The following KSR1 variants were observed in gnomAD, a reference collection of about 807,000 sequenced individuals.
KSR1 encodes kinase suppressor of ras.
A neutral mutation model predicts 92.9 loss-of-function variants in KSR1; 35 were observed. The ratio of observed to expected loss-of-function variants is 0.38; its 90% CI spans 0.29 to 0.50. The LOEUF is 0.50. Ranked by LOEUF, KSR1 falls within the 20% of genes least tolerant of loss-of-function variation. The pLI is 0.94. For missense variants in KSR1, 972 were observed against 1,158.5 expected, an observed-to-expected ratio of 0.84 and a Z score of 2.34; for synonymous variants, 467 against 472.6, an observed-to-expected ratio of 0.99 and a Z score of 0.15.
chr17:27,513,923 G>A (rs987893175), intron 1 of KSR1, among the ~76,000 whole-genome samples: 8 of 152,166 alleles, frequency 5.3e-5, no homozygotes, highest in African/African-American at 1.9e-4. Context: ...CTCCCAAGTG[G>A]GTTTGGTGCC....
At chr17:27,490,509 A>G (rs2068789790) in intron 1 of KSR1, among the ~76,000 whole-genome samples, 1 of 152,174 alleles carries the variant, frequency 6.6e-6, no homozygotes, top group Non-Finnish European at 1.5e-5. Context: ...CCAATGTATA[A>G]ATAAGGTGAA....
At chr17:27,550,357 C>A (rs919691520) in intron 1 of KSR1, among the ~76,000 whole-genome samples, 1 of 152,222 alleles carries the variant, frequency 6.6e-6, no homozygotes, top group Non-Finnish European at 1.5e-5. Context: ...CTGGGTAGGG[C>A]AGGGGGCTCA....
chr17:27,588,670 GCC>G (rs1169438878), intron 6 of KSR1, 135 bp downstream of exon 6: 1 of 726,852 alleles, frequency 1.4e-6, no homozygotes, highest in Non-Finnish European at 2.1e-6. Flanking sequence ...GTGGGACATG[GCC>G]CTGCACTTAC....
intron 1 of KSR1, among the ~76,000 whole-genome samples, chr17:27,463,554 G>A (rs1488745610): frequency 6.6e-6 from 1 of 152,100 alleles, no homozygotes; most frequent in Non-Finnish European, 1.5e-5. Flanking sequence ...TAGTTTTGTG[G>A]TTGCTTGTGT....
intron 1 of KSR1, among the ~76,000 whole-genome samples, chr17:27,534,124 T>C (rs1165757646): frequency 1.3e-5 from 2 of 152,238 alleles, no homozygotes; most frequent in Non-Finnish European, 2.9e-5. Context: ...CAGACTGTGC[T>C]CAGAGGTTCG....
At chr17:27,465,566 A>G (rs2019656529) in intron 1 of KSR1, 1 of 152,324 alleles carries the variant, frequency 6.6e-6, no homozygotes, top group Admixed American at 6.5e-5. Context: ...CCGTGTTTAA[A>G]ATTTTTAAAA....
chr17:27,581,188 G>A (rs984404669), intron 3 of KSR1, among the ~76,000 whole-genome samples: 7 of 152,064 alleles, frequency 4.6e-5, no homozygotes, highest in Non-Finnish European at 8.8e-5. Context: ...AAGAGCGAGA[G>A]GGGGCAGGGA....
At chr17:27,486,994 G>A (rs2068684713) in intron 1 of KSR1, among the ~76,000 whole-genome samples, 2 of 152,182 alleles carry the variant, frequency 1.3e-5, no homozygotes, top group South Asian at 4.1e-4. Flanking sequence ...AATTGCCAGT[G>A]ACCTTATTTT....
intron 6 of KSR1, among the ~76,000 whole-genome samples, chr17:27,589,664 G>T (rs2073095995): frequency 6.6e-6 from 1 of 152,146 alleles, no homozygotes; most frequent in Admixed American, 6.5e-5. Context: ...AAAAATATGA[G>T]TTATTTCTGC....
At chr17:27,502,137 C>T (rs1032787342) in intron 1 of KSR1, among the ~76,000 whole-genome samples, 5 of 152,212 alleles carry the variant, frequency 3.3e-5, no homozygotes, top group African/African-American at 1.2e-4. Context: ...GAGAACTTGG[C>T]AGAGCCTTTC....
At position 27,605,808 on chromosome 17, in the gene KSR1, C is replaced by T. The variant is rs1392890694; in HGVS notation, c.1989C>T (p.Ile663=). The change falls in exon 14 of 21, where the codon ATC becomes ATT. Residue 663 remains isoleucine (I), a synonymous_variant. Transcript: ENST00000644974. ...ACMNPPHLAI[I]TSFCKGRTLH... The stretch of plus-strand genomic sequence containing the variant: ...TGAACCCGCCCCACCTGGCCATTAT[C>T]ACCAGGTAACCAAGCCCTAGGACCT... 1.9e-6 allele frequency: 3 copies of T among 1,612,404 alleles called. No homozygotes were observed. The African/African-American group carries it at 4.0e-5, about 22-fold the overall frequency.
intron 1 of KSR1, among the ~76,000 whole-genome samples, chr17:27,504,970 C>CTT: frequency 6.6e-6 from 1 of 152,294 alleles, no homozygotes; most frequent in African/African-American, 2.4e-5. Context: ...CTCTGCCTGT[C>CTT]TTCCACTAAG....
chr17:27,479,983 G>A (rs1015073354), intron 1 of KSR1, among the ~76,000 whole-genome samples: 1 of 152,176 alleles, frequency 6.6e-6, no homozygotes, highest in Admixed American at 6.5e-5. Flanking sequence ...ATGTAAATAG[G>A]AATTCTTGGT....
intron 1 of KSR1, among the ~76,000 whole-genome samples, chr17:27,477,793 G>T (rs2068390525): frequency 1.3e-5 from 2 of 151,680 alleles, no homozygotes; most frequent in African/African-American, 4.8e-5. Flanking sequence ...GCTCACTGCT[G>T]CCTCGATTTC....
intron 1 of KSR1, among the ~76,000 whole-genome samples, chr17:27,518,614 C>T (rs1567785404): frequency 6.6e-6 from 1 of 152,134 alleles, no homozygotes; most frequent in Non-Finnish European, 1.5e-5. Context: ...CAATCTGGGT[C>T]GGTGGACATC....
chr17:27,501,516 G>C (rs1048026815), intron 1 of KSR1, among the ~76,000 whole-genome samples: 1 of 152,036 alleles, frequency 6.6e-6, no homozygotes, highest in African/African-American at 2.4e-5. Flanking sequence ...TGGAGGCCTA[G>C]GAGGAAAAAA....
At position 27,603,730 on chromosome 17, in the gene KSR1, A is replaced by G. The variant is rs898379276; in HGVS notation, c.1511-104A>G. On this transcript the variant is annotated intron_variant, in intron 11 of 20. Transcript: ENST00000644974. Reference sequence around the variant, plus strand: ...CTGGGGAACATGTGGCAGTCCACTCAGGGGAAAATCAGCCTCTCTGGGGGT... The same window carrying G: ...CTGGGGAACATGTGGCAGTCCACTCGGGGGAAAATCAGCCTCTCTGGGGGT... The G allele has an allele frequency of 3.5e-6, 4 of 1,134,776 alleles. No homozygotes were observed. In the African/African-American group the frequency reaches 6.1e-5, roughly 17 times the overall value. 70.3% of individuals were successfully genotyped at this position (1,134,776 alleles called of 1,614,324 possible).
intron 2 of KSR1, among the ~76,000 whole-genome samples, chr17:27,553,051 T>A (rs1365517531): frequency 6.6e-6 from 1 of 152,170 alleles, no homozygotes; most frequent in East Asian, 1.9e-4. Context: ...CTGTGAGTCC[T>A]CCGTCTCAAC....
chr17:27,549,852 A>G (rs1479719904), intron 1 of KSR1, among the ~76,000 whole-genome samples: 1 of 152,000 alleles, frequency 6.6e-6, no homozygotes, highest in African/African-American at 2.4e-5. Context: ...CAAGATGGAG[A>G]CTTTTATAGG....
Sources: allele counts gnomAD v4.1 joint callset (sites outside exome capture counted in the v4.1 genomes callset), GRCh38; gene constraint gnomAD v4.1.1; transcripts MANE v1.5; gene names NCBI Gene and HGNC (gene_info 2026-07-23, HGNC 2026-07-21).